Variants in KCNIP4 observed in about 807,000 individuals in gnomAD.
KCNIP4 encodes the protein potassium voltage-gated channel interacting protein 4, also known as Kv channel-interacting protein 4.
KCNIP4 carries 12 observed loss-of-function variants against 34.0 expected under a neutral mutation model. The ratio of observed to expected loss-of-function variants is 0.35; its 90% CI spans 0.23 to 0.57. KCNIP4 has a LOEUF of 0.57. Ranked by LOEUF, KCNIP4 falls within the 20% of genes least tolerant of loss-of-function variation. The pLI is 0.83. For synonymous variants in KCNIP4, 124 were observed against 102.2 expected (o/e 1.21, Z -1.29); for missense variants, 238 against 311.7 (o/e 0.76, Z 1.78).
chr4:21,133,743 A>G (rs998069040), intron 1 of KCNIP4, among the ~76,000 whole-genome samples: 2 of 152,302 alleles, frequency 1.3e-5, no homozygotes, highest in South Asian at 4.1e-4. Context: ...TTGTTATGTG[A>G]TCTCAGTGAA....
intron 1 of KCNIP4, among the ~76,000 whole-genome samples, chr4:21,636,290 TAAAAAAAAAGGAA>T (rs1746156016): frequency 7.9e-6 from 1 of 126,730 alleles, no homozygotes; most frequent in African/African-American, 3.0e-5. Flanking sequence ...TAAAGTATAA[TAAAAAAAAAGGAA>T]AAAAAAAAAA....
intron 3 of KCNIP4, among the ~76,000 whole-genome samples, chr4:20,840,928 CA>C (rs1443206839): frequency 6.6e-5 from 10 of 152,250 alleles, no homozygotes; most frequent in Admixed American, 1.3e-4. Flanking sequence ...ATTTGATGGG[CA>C]AACACAGGAC....
intron 5 of KCNIP4, among the ~76,000 whole-genome samples, chr4:20,735,154 A>G (rs984855488): frequency 6.6e-6 from 1 of 152,252 alleles, no homozygotes; most frequent in East Asian, 1.9e-4. Flanking sequence ...TCCATAAAAG[A>G]TAAACCAATT....
chr4:21,226,210 G>C (rs572989234), intron 1 of KCNIP4, among the ~76,000 whole-genome samples: 1 of 135,408 alleles, frequency 7.4e-6, no homozygotes, highest in South Asian at 2.6e-4. Context: ...GCAGGAAGTC[G>C]AGGCCAGCCT....
At chr4:20,810,791 C>CT (rs1052732389) in intron 3 of KCNIP4, among the ~76,000 whole-genome samples, 10 of 151,986 alleles carry the variant, frequency 6.6e-5, no homozygotes, top group African/African-American at 2.4e-4. Context: ...ATGATAAATA[C>CT]TTTTTTTTAA....
At chr4:21,841,714 T>C (rs1294725609) in intron 1 of KCNIP4, among the ~76,000 whole-genome samples, 2 of 152,172 alleles carry the variant, frequency 1.3e-5, no homozygotes, top group African/African-American at 4.8e-5. Flanking sequence ...TGAAGGATTC[T>C]TAAAGTGATT....
intron 1 of KCNIP4, among the ~76,000 whole-genome samples, chr4:21,220,221 A>T (rs571183129): frequency 1.3e-5 from 2 of 152,264 alleles, no homozygotes; most frequent in South Asian, 4.1e-4. Context: ...TGACTATGTG[A>T]CTATGTGATA....
Position 21,393,701 on chromosome 4 carries a change from AACTATTAGAATCAC to A in KCNIP4, c.62-511006_62-510993del, listed in dbSNP as rs368313112. ...ATCAAAATTTTGTTCTAACTTTTCC[AACTATTAGAATCAC>A]ACTATGATGTTATCTGTTAGAATGT... On this transcript the variant is annotated intron_variant, in intron 1 of 8. Transcript: ENST00000382152. Among the ~76,000 whole-genome samples the A allele has an allele frequency of 3.4e-3, 512 of 152,318 alleles. 2 individuals carry two copies. Among genetic ancestry groups the A allele is most frequent in the African/African-American group, 0.012 (497 of 41,586 alleles).
At chr4:21,192,459 A>C (rs901814396) in intron 1 of KCNIP4, among the ~76,000 whole-genome samples, 1 of 152,204 alleles carries the variant, frequency 6.6e-6, no homozygotes, top group African/African-American at 2.4e-5. Context: ...TTAAAACTAT[A>C]ATATCAAAAG....
At chr4:21,831,350 C>A (rs1560746748) in intron 1 of KCNIP4, among the ~76,000 whole-genome samples, 1 of 151,564 alleles carries the variant, frequency 6.6e-6, no homozygotes, top group Non-Finnish European at 1.5e-5. Context: ...TAGAGAAGAT[C>A]AAATAAACCA....
At chr4:21,134,605 A>G (rs1751356609) in intron 1 of KCNIP4, among the ~76,000 whole-genome samples, 1 of 152,122 alleles carries the variant, frequency 6.6e-6, no homozygotes, top group Non-Finnish European at 1.5e-5. Flanking sequence ...GGATTTGAAA[A>G]TTGGCCATCC....
chr4:20,869,731 A>G (rs1723245156), intron 2 of KCNIP4, among the ~76,000 whole-genome samples: 1 of 152,158 alleles, frequency 6.6e-6, no homozygotes, highest in African/African-American at 2.4e-5. Context: ...GTAATAATAA[A>G]TTACAGTAAT....
intron 3 of KCNIP4, among the ~76,000 whole-genome samples, chr4:20,834,765 C>T (rs997963270): frequency 6.6e-6 from 1 of 152,176 alleles, no homozygotes; most frequent in Non-Finnish European, 1.5e-5. Context: ...GCTTCCCAAA[C>T]CTCCTCTGCT....
At chr4:21,061,410 A>G (rs1171745438) in intron 1 of KCNIP4, among the ~76,000 whole-genome samples, 1 of 152,138 alleles carries the variant, frequency 6.6e-6, no homozygotes, top group Middle Eastern at 3.2e-3. Context: ...TCATAACACA[A>G]TAATAATGAT....
intron 1 of KCNIP4, among the ~76,000 whole-genome samples, chr4:21,380,726 A>T (rs955038348): frequency 3.9e-5 from 6 of 151,942 alleles, no homozygotes; most frequent in Non-Finnish European, 8.8e-5. Flanking sequence ...ACTACTTACT[A>T]CTCACCATAT....
At chr4:21,430,793 C>T (rs1020619601) in intron 1 of KCNIP4, among the ~76,000 whole-genome samples, 3 of 152,024 alleles carry the variant, frequency 2.0e-5, no homozygotes, top group African/African-American at 7.2e-5. Flanking sequence ...ACCTAGGAGT[C>T]GAAATCCAAA....
At chr4:21,416,261 G>T (rs1161175667) in intron 1 of KCNIP4, among the ~76,000 whole-genome samples, 1 of 152,156 alleles carries the variant, frequency 6.6e-6, no homozygotes, top group Non-Finnish European at 1.5e-5. Flanking sequence ...AAGTGAAAAT[G>T]GAATACACAA....
intron 1 of KCNIP4, among the ~76,000 whole-genome samples, chr4:21,258,235 G>A (rs1486646257): frequency 6.6e-6 from 1 of 152,124 alleles, no homozygotes; most frequent in Non-Finnish European, 1.5e-5. Flanking sequence ...CATAAATTTA[G>A]GTAGATTTGA....
At chr4:21,559,704 A>G (rs1470248659) in intron 1 of KCNIP4, among the ~76,000 whole-genome samples, 1 of 152,120 alleles carries the variant, frequency 6.6e-6, no homozygotes, top group African/African-American at 2.4e-5. Context: ...TAGACTATGC[A>G]GAGAAAGTAT....
Sources: allele counts gnomAD v4.1 joint callset (sites outside exome capture counted in the v4.1 genomes callset), GRCh38; gene constraint gnomAD v4.1.1; transcripts MANE v1.5; gene names NCBI Gene and HGNC (gene_info 2026-07-23, HGNC 2026-07-21).